The following STARD13 variants were observed in gnomAD, a reference collection of about 807,000 sequenced individuals.
The protein encoded by STARD13 is stAR-related lipid transfer protein 13.
STARD13 carries 62 observed loss-of-function variants against 106.4 expected under a neutral mutation model. The observed-to-expected ratio is 0.58, with a 90% CI of 0.48 to 0.72. The LOEUF is 0.72. Ranked by LOEUF, STARD13 falls within the 30% of genes least tolerant of loss-of-function variation. The pLI, the probability that STARD13 is intolerant of heterozygous loss-of-function variation, is 0.00. For synonymous variants in STARD13, 565 were observed against 553.0 expected (o/e 1.02, Z -0.31); for missense variants, 1,387 against 1,424.0 (o/e 0.97, Z 0.42).
the STARD13 span, among the ~76,000 whole-genome samples, chr13:33,462,814 G>A: frequency 5.3e-5 from 8 of 152,138 alleles, no homozygotes; most frequent in African/African-American, 1.7e-4. Context: ...GATTGAGGGT[G>A]GGTCCACCTC....
the STARD13 span, among the ~76,000 whole-genome samples, chr13:33,612,869 T>C: frequency 6.6e-6 from 1 of 152,208 alleles, no homozygotes; most frequent in Non-Finnish European, 1.5e-5. Context: ...TGTCAAAGGC[T>C]CATGTGGCCC....
chr13:33,270,454 G>GA lies in STARD13; in HGVS notation c.169+15015dup, dbSNP rs1243763560. On this transcript the variant is annotated intron_variant, in intron 1 of 13. Transcript: ENST00000336934. The stretch of plus-strand genomic sequence containing the variant: ...ATGCCAGCATCCCTCAGGCACTCTA[G>GA]AACTGAGCACCACACCTTCCATTTG... Among the ~76,000 whole-genome samples the GA allele has an allele frequency of 3.3e-5, 5 of 152,278 alleles. No individual in the cohort carries two copies. The East Asian group carries it at 9.6e-4, about 29-fold the overall frequency.
chr13:33,115,936 G>T (rs951862065), intron 8 of STARD13, among the ~76,000 whole-genome samples: 1 of 152,176 alleles, frequency 6.6e-6, no homozygotes, highest in African/African-American at 2.4e-5. Flanking sequence ...ACCCAACTCT[G>T]GAATTATGTG....
chr13:33,390,181 G>A, the STARD13 span, among the ~76,000 whole-genome samples: 4 of 152,102 alleles, frequency 2.6e-5, no homozygotes, highest in Admixed American at 6.5e-5. Context: ...GCAAAGGTAT[G>A]CAAGCTATTA....
intron 8 of STARD13, among the ~76,000 whole-genome samples, chr13:33,114,280 G>A (rs529680765): frequency 1.3e-5 from 2 of 152,322 alleles, no homozygotes; most frequent in Admixed American, 1.3e-4. Flanking sequence ...GGTCCTGGCT[G>A]GCCCCAGGCT....
At chr13:33,554,608 C>A in the STARD13 span, among the ~76,000 whole-genome samples, 5 of 152,054 alleles carry the variant, frequency 3.3e-5, no homozygotes. Context: ...AGTAAAGTTA[C>A]CTAATATTTA....
intron 8 of STARD13, among the ~76,000 whole-genome samples, chr13:33,114,916 T>C (rs1875142422): frequency 6.6e-6 from 1 of 152,130 alleles, no homozygotes; most frequent in African/African-American, 2.4e-5. Context: ...TTCTGTTACA[T>C]ACCATGCTGC....
chr13:33,633,832 G>A, the STARD13 span, among the ~76,000 whole-genome samples: 8,311 of 152,122 alleles, frequency 0.055, 420 homozygotes, highest in African/African-American at 0.13. Flanking sequence ...TGCCCAGGGC[G>A]GTGTTATTAA....
chr13:33,627,963 TTC>T, the STARD13 span, among the ~76,000 whole-genome samples: 1 of 147,718 alleles, frequency 6.8e-6, no homozygotes, highest in South Asian at 2.1e-4. Flanking sequence ...TTTCTTTTTT[TTC>T]TTTCTTTTTT....
chr13:33,500,257 C>G, the STARD13 span, among the ~76,000 whole-genome samples: 13 of 152,104 alleles, frequency 8.5e-5, no homozygotes, highest in Non-Finnish European at 1.8e-4. Context: ...GGACTAGAAC[C>G]TAGGCCTGCT....
At chr13:33,642,852 A>C in the STARD13 span, among the ~76,000 whole-genome samples, 10 of 152,020 alleles carry the variant, frequency 6.6e-5, no homozygotes, top group East Asian at 3.9e-4. Flanking sequence ...AAAAAAAAAA[A>C]AAAAAACCTC....
At chr13:33,321,005 A>C (rs1228693625) in intron 1 of STARD13, among the ~76,000 whole-genome samples, 1 of 152,228 alleles carries the variant, frequency 6.6e-6, no homozygotes, top group Non-Finnish European at 1.5e-5. Context: ...GACTATTATA[A>C]GTCACACAGT....
chr13:33,109,082 A>G (rs1874155275), intron 12 of STARD13, among the ~76,000 whole-genome samples: 1 of 152,194 alleles, frequency 6.6e-6, no homozygotes, highest in Non-Finnish European at 1.5e-5. Context: ...TTAAATATAC[A>G]TTTGGGAGTT....
At chr13:33,233,120 G>A (rs566322841) in intron 1 of STARD13, among the ~76,000 whole-genome samples, 18 of 152,354 alleles carry the variant, frequency 1.2e-4, no homozygotes, top group Middle Eastern at 3.4e-3. Flanking sequence ...ATAGGGGCAG[G>A]TACTGGGTGA....
At chr13:33,586,108 T>A in the STARD13 span, among the ~76,000 whole-genome samples, 1 of 152,148 alleles carries the variant, frequency 6.6e-6, no homozygotes, top group Non-Finnish European at 1.5e-5. Flanking sequence ...AATAAGAATA[T>A]AATAAAAATT....
chr13:33,472,752 G>A, the STARD13 span, among the ~76,000 whole-genome samples: 4 of 152,180 alleles, frequency 2.6e-5, no homozygotes, highest in Admixed American at 1.3e-4. Context: ...TTAGAAGCAG[G>A]TCTAACATTG....
At position 33,118,062 on chromosome 13, in the gene STARD13, T is replaced by C; in HGVS notation, c.2281+3A>G. ...GAACACCAATCTCATTATTTCCACT[T>C]ACACTGATAGATATGGAGAAAGGTC... On this transcript the variant is annotated splice_donor_region_variant and intron_variant, in intron 8 of 13. Coordinates refer to ENST00000336934, the MANE Select transcript of STARD13 (RefSeq NM_178006.4). 1 of 1,614,182 alleles carries C rather than the reference T, an allele frequency of 6.2e-7. No individual in the cohort carries two copies.
the STARD13 span, among the ~76,000 whole-genome samples, chr13:33,360,992 G>C: frequency 7.4e-6 from 1 of 134,716 alleles, no homozygotes. Flanking sequence ...ATTTTTAGTA[G>C]AGACAGGTTT....
the STARD13 span, among the ~76,000 whole-genome samples, chr13:33,588,530 A>G: frequency 6.6e-6 from 1 of 152,212 alleles, no homozygotes; most frequent in Non-Finnish European, 1.5e-5. Flanking sequence ...TGGGGATTAT[A>G]TCTGCACCAC....
Sources: gnomAD v4.1 joint callset for allele counts (sites outside exome capture counted in the v4.1 genomes callset) on GRCh38, gnomAD v4.1.1 for gene constraint, MANE v1.5 for transcripts, NCBI Gene and HGNC (gene_info 2026-07-23, HGNC 2026-07-21) for gene names.